SNX29: variants seen among roughly 807,000 people sequenced by gnomAD.
The protein encoded by SNX29 is sorting nexin-29.
Under a neutral mutation model 102.1 loss-of-function variants are expected in SNX29, and 78 were observed. The observed-to-expected ratio is 0.76, with a 90% confidence interval of 0.64 to 0.92. The LOEUF is 0.92. SNX29 is among the 40% of genes least tolerant of loss of function. The probability of loss-of-function intolerance (pLI) is 0.00; values close to 1 mark genes in which losing one functional copy is unlikely to be tolerated. For synonymous variants in SNX29, 580 were observed against 414.5 expected (o/e 1.40, Z -4.85); for missense variants, 1,280 against 1,061.7 (o/e 1.21, Z -2.86).
chr16:12,147,181 T>C (rs868818726), intron 13 of SNX29, among the ~76,000 whole-genome samples: 1 of 152,230 alleles, frequency 6.6e-6, no homozygotes, highest in Admixed American at 6.5e-5. Context: ...TAGTACCCAA[T>C]GCCAGATGTT....
At chr16:12,489,304 G>C (rs1167262950) in intron 19 of SNX29, among the ~76,000 whole-genome samples, 1 of 151,682 alleles carries the variant, frequency 6.6e-6, no homozygotes. Flanking sequence ...AAAAAATTCA[G>C]CCTCTCAAGT....
intron 20 of SNX29, among the ~76,000 whole-genome samples, chr16:12,555,633 T>A (rs1168196836): frequency 6.6e-6 from 1 of 151,890 alleles, no homozygotes; most frequent in Non-Finnish European, 1.5e-5. Flanking sequence ...CACACCTGAG[T>A]AACCCCACTG....
chr16:12,198,053 T>TGA (rs753317843), intron 13 of SNX29, among the ~76,000 whole-genome samples: 3 of 152,084 alleles, frequency 2.0e-5, no homozygotes, highest in Non-Finnish European at 4.4e-5. Context: ...ATAGACTGAG[T>TGA]GAGAGGCTTA....
At chr16:12,103,187 G>A (rs752948876) in intron 11 of SNX29, among the ~76,000 whole-genome samples, 27 of 152,050 alleles carry the variant, frequency 1.8e-4, no homozygotes, top group Non-Finnish European at 3.5e-4. Flanking sequence ...TTTCTTCACA[G>A]AATTAGAAAA....
chr16:12,124,123 C>T (rs920179898), intron 11 of SNX29, among the ~76,000 whole-genome samples: 2 of 152,024 alleles, frequency 1.3e-5, no homozygotes, highest in African/African-American at 2.4e-5. Context: ...TTTGGGAGGC[C>T]GAGGCATGTG....
chr16:12,537,174 TGCCATCCCCCTG>T (rs1243638489), intron 20 of SNX29, among the ~76,000 whole-genome samples: 1 of 152,168 alleles, frequency 6.6e-6, no homozygotes, highest in Non-Finnish European at 1.5e-5. Flanking sequence ...AGCATAAAGA[TGCCATCCCCCTG>T]GCCAGCCCCT....
At chr16:12,475,664 G>C (rs528680228) in intron 18 of SNX29, among the ~76,000 whole-genome samples, 1 of 152,300 alleles carries the variant, frequency 6.6e-6, no homozygotes, top group East Asian at 1.9e-4. Flanking sequence ...CTAACACAAA[G>C]CCTATTCTAT....
chr16:12,568,891 G>A lies in SNX29; in HGVS notation c.*262G>A, dbSNP rs2079123667. On this transcript the variant is annotated 3_prime_UTR_variant, in exon 21 of 21. Transcript: ENST00000566228. ...CTTCTGCTTCTGGGGTCTACCCTGG[G>A]CTGCAAGGGCTGTTCCTCCACCTTT... is the stretch of plus-strand genomic sequence containing the variant. 5.9e-6 allele frequency: 3 copies of A among 512,682 alleles called. No homozygotes were observed. Among genetic ancestry groups the A allele is most frequent in the Middle Eastern group, 5.1e-4 (1 of 1,964 alleles). 31.8% of individuals were successfully genotyped at this position (512,682 alleles called of 1,614,324 possible).
intron 11 of SNX29, among the ~76,000 whole-genome samples, chr16:12,086,299 T>G (rs896902679): frequency 6.6e-6 from 1 of 152,158 alleles, no homozygotes; most frequent in East Asian, 1.9e-4. Context: ...CCACCGCGCC[T>G]GGCCACGCTC....
intron 15 of SNX29, among the ~76,000 whole-genome samples, chr16:12,330,641 C>T (rs566454133): frequency 2.1e-4 from 32 of 152,310 alleles, no homozygotes; most frequent in African/African-American, 7.0e-4. Context: ...TTGCAGGCAG[C>T]GGAGCCAGGC....
At chr16:12,492,226 A>C (rs992378324) in intron 19 of SNX29, among the ~76,000 whole-genome samples, 13 of 152,260 alleles carry the variant, frequency 8.5e-5, no homozygotes, top group South Asian at 6.2e-4. Context: ...GCCATTCTAA[A>C]TGGTGTGAGA....
At position 12,568,712 on chromosome 16, in the gene SNX29, G is replaced by A; in HGVS notation, c.*83G>A. The A allele has an allele frequency of 6.5e-7, 1 of 1,544,980 alleles. No homozygotes were observed. Among genetic ancestry groups the A allele is most frequent in the Non-Finnish European group, 8.7e-7 (1 of 1,150,574 alleles). The stretch of plus-strand genomic sequence containing the variant: ...CCACTGCCGCTGGCCCCTCACCTCA[G>A]CGTGACAACCACGTCCACCTGGTGA... On this transcript the variant is annotated 3_prime_UTR_variant, in exon 21 of 21. Transcript: ENST00000566228.
At chr16:12,532,716 G>A (rs1365385248) in intron 20 of SNX29, among the ~76,000 whole-genome samples, 1 of 152,210 alleles carries the variant, frequency 6.6e-6, no homozygotes, top group Admixed American at 6.5e-5. Context: ...GGGAAAGAGA[G>A]GGCAGGAAGA....
In SNX29 at chr16:12,353,720, G is replaced by T. The variant is rs2082056323; in HGVS notation, c.1783-2443G>T. Reference sequence around the variant, plus strand: ...CATGTTTATGGAGCAGAGAAGGCCTGTGGGGACTGAGTGAGTTAGTGAGAC... The same window carrying T: ...CATGTTTATGGAGCAGAGAAGGCCTTTGGGGACTGAGTGAGTTAGTGAGAC... On this transcript the variant is annotated intron_variant, in intron 15 of 20. Transcript: ENST00000566228. Among the ~76,000 whole-genome samples, 3 of 152,210 alleles carry T rather than the reference G, an allele frequency of 2.0e-5. 1 individual carries two copies. In the South Asian group the frequency reaches 6.2e-4, roughly 32 times the overall value.
chr16:12,431,557 C>T (rs4781236), intron 18 of SNX29, among the ~76,000 whole-genome samples: 52,094 of 150,842 alleles, frequency 0.35, 10,406 homozygotes, highest in Non-Finnish European at 0.45. Context: ...TAGAACACAT[C>T]AAAAAGTGAA....
chr16:12,386,257 C>A (rs371044058), intron 16 of SNX29, among the ~76,000 whole-genome samples: 2 of 152,220 alleles, frequency 1.3e-5, no homozygotes, highest in Non-Finnish European at 2.9e-5. Context: ...GTGCGGCTTC[C>A]AGATAATGAT....
At chr16:12,126,750 T>C in intron 12 of SNX29, 54 bp downstream of exon 12, 1 of 1,591,962 alleles carries the variant, frequency 6.3e-7, no homozygotes. Flanking sequence ...ATTCTGCCTC[T>C]GGGGAAGACA....
At chr16:12,438,008 G>C (rs988733150) in intron 18 of SNX29, among the ~76,000 whole-genome samples, 2 of 152,130 alleles carry the variant, frequency 1.3e-5, no homozygotes, top group Admixed American at 1.3e-4. Flanking sequence ...CAGAACCTTG[G>C]ACTTGGACTT....
At chr16:12,380,564 C>T (rs2083050445) in intron 16 of SNX29, among the ~76,000 whole-genome samples, 1 of 136,842 alleles carries the variant, frequency 7.3e-6, no homozygotes, top group Non-Finnish European at 1.6e-5. Context: ...TCCATCCACC[C>T]ACCATCCATC....
Sources: allele counts gnomAD v4.1 joint callset (sites outside exome capture counted in the v4.1 genomes callset), GRCh38; gene constraint gnomAD v4.1.1; transcripts MANE v1.5; gene names NCBI Gene and HGNC (gene_info 2026-07-23, HGNC 2026-07-21).